The following UBE3C variants were observed in gnomAD, a reference collection of about 807,000 sequenced individuals.
UBE3C encodes the protein ubiquitin protein ligase E3C.
Under a neutral mutation model 129.4 loss-of-function variants are expected in UBE3C, and 42 were observed. The ratio of observed to expected loss-of-function variants is 0.32; its 90% CI spans 0.25 to 0.42. The LOEUF is 0.42. Among genes scored for constraint, UBE3C ranks in the 10% least tolerant of loss-of-function variants. The probability of loss-of-function intolerance (pLI) is 1.00; values close to 1 mark genes in which losing one functional copy is unlikely to be tolerated. For synonymous variants in UBE3C, 510 were observed against 492.4 expected, an observed-to-expected ratio of 1.04 and a Z score of -0.47; for missense variants, 1,049 against 1,319.1, an observed-to-expected ratio of 0.80 and a Z score of 3.17.
intron 22 of UBE3C, among the ~76,000 whole-genome samples, chr7:157,260,832 G>A (rs1034959668): frequency 6.6e-5 from 10 of 152,284 alleles, no homozygotes; most frequent in African/African-American, 2.4e-4. Context: ...CCTGCCAGAC[G>A]TAGGTTCTAG....
intron 10 of UBE3C, chr7:157,197,728 A>G (rs1809162223): frequency 6.2e-6 from 10 of 1,610,682 alleles, no homozygotes; most frequent in South Asian, 1.1e-5. Context: ...AATTCAGGAC[A>G]AGACTGTACA....
At chr7:157,256,754 C>G in intron 21 of UBE3C, 160 bp from the exon 22 acceptor site, 1 of 792,308 alleles carries the variant, frequency 1.3e-6, no homozygotes, top group Non-Finnish European at 2.0e-6. Context: ...TGGAAGTGCA[C>G]AGCACGTACA....
At position 157,181,504 on chromosome 7, in the gene UBE3C, G is replaced by GT. The variant is rs755981105; in HGVS notation, c.617-9dup. 1 of 1,547,232 alleles carries GT rather than the reference G, an allele frequency of 6.5e-7. No individual in the cohort carries two copies. The highest frequency in any genetic ancestry group is 8.7e-7 in the Non-Finnish European group (1 of 1,154,738). On this transcript the variant is annotated splice_polypyrimidine_tract_variant and intron_variant, in intron 6 of 22. Transcript: ENST00000348165. ...AAAAGGCACTAAATTTTAAATATGT[G>GT]TTTTTCCTTTTAGGGTATTATAGGT...
At chr7:157,174,498 G>A (rs1461399471) in intron 4 of UBE3C, among the ~76,000 whole-genome samples, 1 of 152,154 alleles carries the variant, frequency 6.6e-6, no homozygotes, top group Non-Finnish European at 1.5e-5. Context: ...CGCCCAGGCA[G>A]TGCAGTGGCT....
intron 22 of UBE3C, among the ~76,000 whole-genome samples, chr7:157,261,196 C>CT (rs1343319688): frequency 6.6e-6 from 1 of 150,880 alleles, no homozygotes; most frequent in Non-Finnish European, 1.5e-5. Flanking sequence ...GTCCCAGCTA[C>CT]TTGGGAGGCT....
chr7:157,254,805 C>T (rs1010002587), intron 21 of UBE3C, among the ~76,000 whole-genome samples: 6 of 151,792 alleles, frequency 4.0e-5, no homozygotes, highest in Non-Finnish European at 8.8e-5. Flanking sequence ...TTTGGGAGGC[C>T]GGGGCAGGTG....
At chr7:157,172,277 A>C (rs891899512) in intron 4 of UBE3C, among the ~76,000 whole-genome samples, 1 of 151,764 alleles carries the variant, frequency 6.6e-6, no homozygotes, top group African/African-American at 2.4e-5. Context: ...CAAGTGATCC[A>C]CTTGCTTTGA....
In UBE3C at chr7:157,223,333, A is replaced by G. The variant is rs1328733142; in HGVS notation, c.2082A>G (p.Pro694=). 2.5e-6 allele frequency: 4 copies of G among 1,613,576 alleles called. No homozygotes were observed. Among genetic ancestry groups the G allele is most frequent in the African/African-American group, 2.7e-5 (2 of 74,988 alleles). ...TGACAGAGTTGCCTTTTGTGGTTCC[A>G]TTTGAGGAACGAGTAAAGGTATGCA... ...AVLTELPFVV[P]FEERVKIFQR... is the part of the protein sequence containing the mutation. Residue 694 remains proline (P), a synonymous_variant, in exon 16 of 23, where the codon CCA becomes CCG. Transcript: ENST00000348165.
chr7:157,243,114 C>A (rs952827858), intron 18 of UBE3C, among the ~76,000 whole-genome samples: 2 of 152,118 alleles, frequency 1.3e-5, no homozygotes, highest in African/African-American at 4.8e-5. Context: ...GTGGCTCGAT[C>A]GCTGGAAGCC....
intron 13 of UBE3C, among the ~76,000 whole-genome samples, chr7:157,215,142 A>G (rs903187508): frequency 6.6e-6 from 1 of 152,196 alleles, no homozygotes; most frequent in Non-Finnish European, 1.5e-5. Context: ...TGCATCTTTG[A>G]TCTTGAGTGG....
chr7:157,141,736 G>T (rs1056389081), intron 1 of UBE3C, among the ~76,000 whole-genome samples: 1 of 152,292 alleles, frequency 6.6e-6, no homozygotes, highest in East Asian at 1.9e-4. Context: ...GTAGATGAGC[G>T]TTACCTGTTG....
chr7:157,218,723 G>A (rs956051050), intron 14 of UBE3C, among the ~76,000 whole-genome samples: 1 of 152,156 alleles, frequency 6.6e-6, no homozygotes, highest in Admixed American at 6.5e-5. Context: ...TGCAAGATGG[G>A]TGTGGAGTGC....
chr7:157,251,966 T>C (rs1450547409), intron 19 of UBE3C, among the ~76,000 whole-genome samples: 1 of 152,040 alleles, frequency 6.6e-6, no homozygotes. Flanking sequence ...AAACCCTGTC[T>C]CTACTAAAAA....
chr7:157,246,982 C>G (rs985177671), intron 18 of UBE3C, among the ~76,000 whole-genome samples: 1 of 152,208 alleles, frequency 6.6e-6, no homozygotes, highest in African/African-American at 2.4e-5. Context: ...CCTCCACCTC[C>G]CGGGTTCAAG....
At chr7:157,186,797 C>T (rs1201495713) in intron 9 of UBE3C, 37 bp from the exon 10 acceptor site, 1 of 1,603,526 alleles carries the variant, frequency 6.2e-7, no homozygotes, top group Non-Finnish European at 8.5e-7. Context: ...TCCAGTTGAG[C>T]ACATTTATGG....
chr7:157,242,268 A>T (rs1285780557), intron 18 of UBE3C, among the ~76,000 whole-genome samples: 1 of 152,186 alleles, frequency 6.6e-6, no homozygotes, highest in African/African-American at 2.4e-5. Context: ...TAAAGCTGGA[A>T]GGAGTATAGT....
intron 2 of UBE3C, among the ~76,000 whole-genome samples, chr7:157,166,732 C>CA (rs35054342): frequency 0.011 from 1,269 of 113,576 alleles, 9 homozygotes; most frequent in East Asian, 0.027. Context: ...AACTCCGTCT[C>CA]AAAAAAAAAA....
rs183248588 is a variant in UBE3C at position 157,141,724 on chromosome 7, C to A, written c.66+2386C>A. Among the ~76,000 whole-genome samples the A allele has an allele frequency of 2.3e-3, 352 of 152,338 alleles. 2 individuals carry two copies. Among genetic ancestry groups the A allele is most frequent in the African/African-American group, 7.9e-3 (328 of 41,576 alleles). On this transcript the variant is annotated intron_variant, in intron 1 of 22. Transcript: ENST00000348165. ...GTGACTGTCCTTCTGACCTCCATTA[C>A]TGTAGATGAGCGTTACCTGTTGAAC...
intron 5 of UBE3C, among the ~76,000 whole-genome samples, chr7:157,175,672 T>C (rs1488257553): frequency 3.9e-5 from 6 of 152,240 alleles, no homozygotes; most frequent in Non-Finnish European, 8.8e-5. Flanking sequence ...TTAGGATTAC[T>C]GTCAGAACTA....
Sources: allele counts gnomAD v4.1 joint callset (sites outside exome capture counted in the v4.1 genomes callset), GRCh38; gene constraint gnomAD v4.1.1; transcripts MANE v1.5; gene names NCBI Gene and HGNC (gene_info 2026-07-23, HGNC 2026-07-21).